The following PRMT8 variants were observed in gnomAD, a reference collection of about 807,000 sequenced individuals.
PRMT8 encodes protein arginine methyltransferase 8, also known as protein arginine N-methyltransferase 8.
Under a neutral mutation model 47.1 loss-of-function variants are expected in PRMT8, and 7 were observed. The ratio of observed to expected loss-of-function variants is 0.15; its 90% confidence interval spans 0.08 to 0.28. The LOEUF is 0.28. Among genes scored for constraint, PRMT8 ranks in the 10% least tolerant of loss-of-function variants. The pLI, the probability that PRMT8 is intolerant of heterozygous loss-of-function variation, is 1.00. For missense variants in PRMT8, 237 were observed against 505.4 expected, an observed-to-expected ratio of 0.47 and a Z score of 5.09; for synonymous variants, 188 against 186.5, an observed-to-expected ratio of 1.01 and a Z score of -0.07.
intron 1 of PRMT8, among the ~76,000 whole-genome samples, chr12:3,505,998 G>T (rs11062687): frequency 6.6e-6 from 1 of 152,126 alleles, no homozygotes; most frequent in African/African-American, 2.4e-5. Flanking sequence ...TCTTCTGGAG[G>T]GCAGGAAGGA....
chr12:3,583,351 G>A lies in PRMT8; in HGVS notation c.979+143G>A, dbSNP rs541574358. 1 of 877,414 alleles carries A rather than the reference G, an allele frequency of 1.1e-6. No individual in the cohort carries two copies. Among genetic ancestry groups the A allele is most frequent in the African/African-American group, 1.7e-5 (1 of 58,698 alleles). The allele number at this position is 877,414 out of a possible 1,614,324, so 54.4% of individuals were successfully genotyped here. A position where few individuals can be genotyped will look rare whatever the true frequency, so the allele number is the denominator to read the frequency against. On this transcript the variant is annotated intron_variant, in intron 8 of 9. Coordinates refer to ENST00000382622, the MANE Select transcript of PRMT8 (RefSeq NM_019854.5). This position sits in a 1 kb window ranked among gnomAD's most constrained non-coding sequence, Gnocchi z 4.7. The stretch of plus-strand genomic sequence containing the variant: ...CACCTATCAACCCTCTCCAGCCATG[G>A]AGGAACCATGCATCCCTATATTTGT...
At chr12:3,547,344 A>AAAAT (rs1459334620) in intron 2 of PRMT8, among the ~76,000 whole-genome samples, 9 of 152,196 alleles carry the variant, frequency 5.9e-5, no homozygotes, top group Admixed American at 5.9e-4. Flanking sequence ...TTCACACAGA[A>AAAAT]AAATAAAGAA....
intron 1 of PRMT8, among the ~76,000 whole-genome samples, chr12:3,516,458 A>G (rs1303397167): frequency 6.6e-6 from 1 of 152,252 alleles, no homozygotes; most frequent in Non-Finnish European, 1.5e-5. Context: ...TGCTGCCAGC[A>G]TTTACAGAGC....
intron 2 of PRMT8, among the ~76,000 whole-genome samples, chr12:3,548,534 T>G (rs1398923274): frequency 6.6e-6 from 1 of 152,066 alleles, no homozygotes; most frequent in Non-Finnish European, 1.5e-5. Context: ...GAATAGGCAC[T>G]TCACAAAAGA....
intron 1 of PRMT8, among the ~76,000 whole-genome samples, chr12:3,446,622 A>G (rs571723426): frequency 1.3e-5 from 2 of 152,264 alleles, no homozygotes; most frequent in African/African-American, 4.8e-5. Flanking sequence ...TGTGTGTCAT[A>G]TAGGTTTCTT....
In PRMT8 at chr12:3,572,975, T is replaced by C. The variant is rs1591609977; in HGVS notation, c.712+3411T>C. Among the ~76,000 whole-genome samples, 1 of 152,366 alleles carries C rather than the reference T, an allele frequency of 6.6e-6. No individual in the cohort carries two copies. The highest frequency in any genetic ancestry group is 2.4e-5 in the African/African-American group (1 of 41,590). On this transcript the variant is annotated intron_variant, in intron 6 of 9. Transcript: ENST00000382622. This position sits in a 1 kb window ranked among gnomAD's most constrained non-coding sequence, Gnocchi z 5.9. ...TGATGTGTCTAGGTGTGTTTTTCTTTTTATTTATCCTGCTTGGGGTTACAT... is the reference window on the plus strand; with the variant it reads ...TGATGTGTCTAGGTGTGTTTTTCTTCTTATTTATCCTGCTTGGGGTTACAT...
intron 1 of PRMT8, among the ~76,000 whole-genome samples, chr12:3,415,778 A>G (rs909991114): frequency 1.3e-5 from 2 of 152,244 alleles, no homozygotes; most frequent in Admixed American, 6.5e-5. Flanking sequence ...CGTTGTATGC[A>G]TGCAGACACG....
intron 1 of PRMT8, among the ~76,000 whole-genome samples, chr12:3,498,511 C>T (rs537969931): frequency 1.1e-4 from 16 of 152,298 alleles, no homozygotes; most frequent in African/African-American, 3.6e-4. Context: ...AGTACTGTGC[C>T]GTGTGAGTGA....
Position 3,566,172 on chromosome 12 carries a change from A to C in PRMT8, c.482-2534A>C. Among the ~76,000 whole-genome samples, 1 of 152,262 alleles carries C rather than the reference A, an allele frequency of 6.6e-6. No individual in the cohort carries two copies. The highest frequency in any genetic ancestry group is 1.9e-4 in the East Asian group (1 of 5,200). Reference sequence around the variant, plus strand: ...AGCCAGGCTTTGCATGCAAATGATTAGGCAGGTGAGTCATGCATATATTTG... The same window carrying C: ...AGCCAGGCTTTGCATGCAAATGATTCGGCAGGTGAGTCATGCATATATTTG... On this transcript the variant is annotated intron_variant, in intron 4 of 9. Transcript: ENST00000382622. This position sits in a 1 kb window ranked among gnomAD's most constrained non-coding sequence, Gnocchi z 4.7.
intron 1 of PRMT8, among the ~76,000 whole-genome samples, chr12:3,450,719 A>C (rs1349920746): frequency 6.6e-6 from 1 of 152,190 alleles, no homozygotes. Flanking sequence ...TCATGCTTTG[A>C]TATGTTTTAT....
chr12:3,550,113 G>A lies in PRMT8; in HGVS notation c.417+22G>A. The stretch of plus-strand genomic sequence containing the variant: ...TGGGGTGAGCACGCCGCTTCCTCCT[G>A]CATGCTGGCTTCCACAGAGCCAGCC... On this transcript the variant is annotated intron_variant, in intron 3 of 9. Coordinates refer to ENST00000382622, the MANE Select transcript of PRMT8 (RefSeq NM_019854.5). This position sits in a 1 kb window ranked among gnomAD's most constrained non-coding sequence, Gnocchi z 5.1. The A allele has an allele frequency of 6.2e-7, 1 of 1,611,384 alleles. No homozygotes were observed.
chr12:3,549,924 C>T lies in PRMT8; in HGVS notation c.262-12C>T. On this transcript the variant is annotated splice_polypyrimidine_tract_variant and intron_variant, in intron 2 of 9. Transcript: ENST00000382622. ...ATTCACTGACATTTCCTTTCTTTTC[C>T]CTCCATCACAGGAAATGCTGAAGGA... 1 of 1,611,908 alleles carries T rather than the reference C, an allele frequency of 6.2e-7. No individual in the cohort carries two copies. Among genetic ancestry groups the T allele is most frequent in the Non-Finnish European group, 8.5e-7 (1 of 1,178,194 alleles).
intron 8 of PRMT8, among the ~76,000 whole-genome samples, chr12:3,588,117 C>T (rs1867220942): frequency 6.6e-6 from 1 of 152,186 alleles, no homozygotes; most frequent in Non-Finnish European, 1.5e-5. Flanking sequence ...TTTCAGGTAT[C>T]AGCAAGGTAG....
chr12:3,559,331 C>T (rs1400761495), intron 4 of PRMT8, among the ~76,000 whole-genome samples: 1 of 152,096 alleles, frequency 6.6e-6, no homozygotes, highest in Non-Finnish European at 1.5e-5. Context: ...GTCATTTCTC[C>T]CTGATTCCAA....
At position 3,491,347 on chromosome 12, in the gene PRMT8, C is replaced by G. The variant is rs1046795985; in HGVS notation, c.-279C>G. 21 of 1,171,394 alleles carry G rather than the reference C, an allele frequency of 1.8e-5. No homozygotes were observed. Among genetic ancestry groups the G allele is most frequent in the African/African-American group, 1.6e-5 (1 of 62,792 alleles). The allele number at this position is 1,171,394 out of a possible 1,614,324, so 72.6% of individuals were successfully genotyped here. On this transcript the variant is annotated 5_prime_UTR_variant, in exon 1 of 10. Coordinates refer to ENST00000382622, the MANE Select transcript of PRMT8 (RefSeq NM_019854.5). The stretch of plus-strand genomic sequence containing the variant: ...GGGGCTGCTTCCCTCGAGCTTAGCC[C>G]GCAGCGCGGGTGGAGAGGGGCGGGG...
intron 2 of PRMT8, among the ~76,000 whole-genome samples, chr12:3,542,699 C>G (rs947217679): frequency 6.6e-6 from 1 of 152,220 alleles, no homozygotes; most frequent in African/African-American, 2.4e-5. Context: ...CTCCCCTCCC[C>G]ACTCGGAGCC....
rs59084499 is a variant in PRMT8, at chr12:3,574,944, A to G, written c.713-1927A>G. Among the ~76,000 whole-genome samples the G allele has an allele frequency of 5.6e-3, 858 of 152,310 alleles. 7 individuals are homozygous for G. Among genetic ancestry groups the G allele is most frequent in the African/African-American group, 0.02 (819 of 41,568 alleles). ...CAGAAGGCAATGTGTTTTGGCGTGT[A>G]CGTTTTATCTGGGGAGAGGGTGGAT... On this transcript the variant is annotated intron_variant, in intron 6 of 9. Transcript: ENST00000382622.
At chr12:3,577,293 G>C (rs866667627) in intron 7 of PRMT8, among the ~76,000 whole-genome samples, 1 of 152,240 alleles carries the variant, frequency 6.6e-6, no homozygotes, top group Non-Finnish European at 1.5e-5. Flanking sequence ...TGGAAGAGGA[G>C]AGCGTGCTCA....
intron 7 of PRMT8, 49 bp downstream of exon 7, chr12:3,577,035 G>T (rs758174628): frequency 2.0e-6 from 3 of 1,508,634 alleles, no homozygotes; most frequent in Non-Finnish European, 2.8e-6. Context: ...GAGCCCCGCT[G>T]TGCCACCCTG....
Sources: allele counts gnomAD v4.1 joint callset (sites outside exome capture counted in the v4.1 genomes callset), GRCh38; gene constraint gnomAD v4.1.1; non-coding constraint Gnocchi (gnomAD v3.1); transcripts MANE v1.5; gene names NCBI Gene and HGNC (gene_info 2026-07-23, HGNC 2026-07-21).